DKK2: variants seen among roughly 807,000 people sequenced by gnomAD.
DKK2 encodes the protein dickkopf-related protein 2.
A neutral mutation model predicts 28.1 loss-of-function variants in DKK2; 11 were observed. The observed-to-expected ratio is 0.39, with a 90% CI of 0.25 to 0.65. DKK2 has a LOEUF of 0.65. DKK2 is among the 30% of genes least tolerant of loss of function. The pLI is 0.47. For missense variants in DKK2, 326 were observed against 335.5 expected, an observed-to-expected ratio of 0.97 and a Z score of 0.22; for synonymous variants, 135 against 126.5, an observed-to-expected ratio of 1.07 and a Z score of -0.45.
intron 3 of DKK2, 89 bp downstream of exon 3, chr4:106,924,456 A>AT (rs1724395787): frequency 6.8e-7 from 1 of 1,475,178 alleles, no homozygotes; most frequent in Non-Finnish European, 9.1e-7. Context: ...CTTCCTTGTA[A>AT]TTTTTTCTAA....
At chr4:106,966,015 T>A (rs957833076) in intron 1 of DKK2, among the ~76,000 whole-genome samples, 14 of 151,912 alleles carry the variant, frequency 9.2e-5, no homozygotes, top group African/African-American at 3.4e-4. Flanking sequence ...TTTGGGTTGG[T>A]TCCAAGTCTT....
intron 1 of DKK2, among the ~76,000 whole-genome samples, chr4:106,982,487 G>A (rs1221210695): frequency 6.6e-6 from 1 of 152,150 alleles, no homozygotes; most frequent in African/African-American, 2.4e-5. Flanking sequence ...AACAGGGAGG[G>A]CTGATATTAT....
intron 1 of DKK2, among the ~76,000 whole-genome samples, chr4:106,928,479 T>C (rs1223751665): frequency 6.6e-6 from 1 of 152,146 alleles, no homozygotes; most frequent in Non-Finnish European, 1.5e-5. Context: ...AATTTTTTAA[T>C]AATTAAAAAG....
chr4:107,002,048 C>A (rs547105859), intron 1 of DKK2, among the ~76,000 whole-genome samples: 13 of 152,224 alleles, frequency 8.5e-5, no homozygotes, highest in African/African-American at 2.4e-4. Context: ...GTCAAATGTT[C>A]CATTTTATGA....
At chr4:106,939,460 G>A (rs896336083) in intron 1 of DKK2, among the ~76,000 whole-genome samples, 9 of 152,128 alleles carry the variant, frequency 5.9e-5, no homozygotes, top group African/African-American at 2.2e-4. Context: ...AATAAAAGAG[G>A]TTACAAACAA....
intron 1 of DKK2, among the ~76,000 whole-genome samples, chr4:106,948,500 C>A (rs558178443): frequency 2.1e-4 from 32 of 152,212 alleles, no homozygotes; most frequent in African/African-American, 7.5e-4. Context: ...GCTTTCTGTA[C>A]CTCACCAGTT....
At chr4:106,998,338 A>G (rs778078429) in intron 1 of DKK2, among the ~76,000 whole-genome samples, 1 of 152,180 alleles carries the variant, frequency 6.6e-6, no homozygotes, top group Non-Finnish European at 1.5e-5. Context: ...TAGAAGAAGT[A>G]TACATAAAAT....
chr4:106,966,541 CA>C (rs1722783658), intron 1 of DKK2, among the ~76,000 whole-genome samples: 1 of 152,126 alleles, frequency 6.6e-6, no homozygotes. Context: ...TCATTGCTCA[CA>C]AATAGTCATA....
chr4:106,979,365 A>G (rs908330766), intron 1 of DKK2, among the ~76,000 whole-genome samples: 6 of 151,638 alleles, frequency 4.0e-5, no homozygotes, highest in Non-Finnish European at 2.9e-5. Flanking sequence ...AGGCAAGCTC[A>G]TCTAACTCAA....
intron 1 of DKK2, among the ~76,000 whole-genome samples, chr4:106,987,855 G>T (rs1372728944): frequency 6.8e-6 from 1 of 147,324 alleles, no homozygotes; most frequent in Middle Eastern, 3.3e-3. Flanking sequence ...CTGACATGAT[G>T]TTACTCTCTT....
intron 1 of DKK2, among the ~76,000 whole-genome samples, chr4:106,978,334 G>A (rs1004935313): frequency 6.6e-6 from 1 of 152,118 alleles, no homozygotes; most frequent in Non-Finnish European, 1.5e-5. Flanking sequence ...CGGAAGCTGC[G>A]CCCACAGCCA....
chr4:106,941,551 G>A (rs1724699208), intron 1 of DKK2, among the ~76,000 whole-genome samples: 2 of 152,014 alleles, frequency 1.3e-5, no homozygotes, highest in Non-Finnish European at 2.9e-5. Flanking sequence ...TCATTTCTTT[G>A]GACTGTTCAG....
intron 1 of DKK2, among the ~76,000 whole-genome samples, chr4:107,031,506 C>G (rs185726112): frequency 4.5e-4 from 68 of 152,098 alleles, no homozygotes; most frequent in Admixed American, 2.2e-3. Context: ...TCTTTTCTCA[C>G]AACATAACTT....
chr4:107,026,168 T>A (rs577837127), intron 1 of DKK2, among the ~76,000 whole-genome samples: 1 of 152,320 alleles, frequency 6.6e-6, no homozygotes, highest in South Asian at 2.1e-4. Context: ...AACTTTTAGA[T>A]AATAAAGTTT....
Position 107,035,747 on chromosome 4 carries a change from G to A in DKK2, c.-156C>T, listed in dbSNP as rs1723955758. ...CTGGTTCGGGGACCCAGGACCCTATGAACTCAGTCTCACGCCTCAGGACAG... is the reference window on the plus strand; with the variant it reads ...CTGGTTCGGGGACCCAGGACCCTATAAACTCAGTCTCACGCCTCAGGACAG... On this transcript the variant is annotated 5_prime_UTR_variant, in exon 1 of 4. Coordinates refer to ENST00000285311, the MANE Select transcript of DKK2 (RefSeq NM_014421.3). The A allele has an allele frequency of 4.3e-6, 3 of 695,262 alleles. No individual in the cohort carries two copies. Among genetic ancestry groups the A allele is most frequent in the African/African-American group, 1.8e-5 (1 of 55,854 alleles). 43.1% of individuals were successfully genotyped at this position (695,262 alleles called of 1,614,324 possible).
At chr4:106,964,284 G>A (rs1722734732) in intron 1 of DKK2, among the ~76,000 whole-genome samples, 1 of 152,096 alleles carries the variant, frequency 6.6e-6, no homozygotes, top group Non-Finnish European at 1.5e-5. Context: ...CTTCTTACTC[G>A]TATGTGGGAG....
intron 1 of DKK2, among the ~76,000 whole-genome samples, chr4:107,011,931 C>G (rs912432156): frequency 6.6e-6 from 1 of 151,258 alleles, no homozygotes; most frequent in Admixed American, 6.6e-5. Context: ...CCTGGCCAAA[C>G]TTGAAGAATC....
chr4:107,034,478 G>C (rs1270036991), intron 1 of DKK2, among the ~76,000 whole-genome samples: 1 of 152,156 alleles, frequency 6.6e-6, no homozygotes. Context: ...GTGCGCGCTC[G>C]TCTCTGTGCG....
At chr4:106,937,191 A>C (rs1217547316) in intron 1 of DKK2, among the ~76,000 whole-genome samples, 2,497 of 147,966 alleles carry the variant, frequency 0.017, 23 homozygotes, top group South Asian at 0.027. Context: ...AAAGAGTCAA[A>C]ACCCATCAGT....
Sources: gnomAD v4.1 joint callset for allele counts (sites outside exome capture counted in the v4.1 genomes callset) on GRCh38, gnomAD v4.1.1 for gene constraint, MANE v1.5 for transcripts, NCBI Gene and HGNC (gene_info 2026-07-23, HGNC 2026-07-21) for gene names.